Variants in MYO5B observed in about 807,000 individuals in gnomAD.
MYO5B encodes myosin VB, also known as unconventional myosin-Vb.
Under a neutral mutation model 229.3 loss-of-function variants are expected in MYO5B, and 143 were observed. The ratio of observed to expected loss-of-function variants is 0.62; its 90% CI spans 0.54 to 0.72. The LOEUF (loss-of-function observed/expected upper bound fraction) is 0.72, where lower values mean the gene tolerates loss of function less well. MYO5B is among the 30% of genes least tolerant of loss of function. The probability of loss-of-function intolerance (pLI) is 0.00; values close to 1 mark genes in which losing one functional copy is unlikely to be tolerated. For missense variants in MYO5B, 2,321 were observed against 2,331.0 expected (o/e 1.00, Z 0.09); for synonymous variants, 918 against 885.2 (o/e 1.04, Z -0.66).
intron 14 of MYO5B, among the ~76,000 whole-genome samples, chr18:49,945,052 C>G (rs559235397): frequency 3.3e-5 from 5 of 152,346 alleles, no homozygotes; most frequent in African/African-American, 1.2e-4. Context: ...CTTCCTGACA[C>G]TTAGCAGTTC....
chr18:49,926,166 C>T (rs768171008), intron 17 of MYO5B, among the ~76,000 whole-genome samples: 1 of 152,202 alleles, frequency 6.6e-6, no homozygotes, highest in Non-Finnish European at 1.5e-5. Context: ...ATGCTGGGAC[C>T]CGCTGGGTTT....
intron 1 of MYO5B, among the ~76,000 whole-genome samples, chr18:50,172,402 T>C (rs1274391504): frequency 6.6e-6 from 1 of 151,552 alleles, no homozygotes; most frequent in Non-Finnish European, 1.5e-5. Context: ...TACACTGATA[T>C]CCAGAACTAG....
At chr18:49,856,724 G>A (rs973894771) in intron 30 of MYO5B, 89 bp downstream of exon 30, 4 of 1,115,832 alleles carry the variant, frequency 3.6e-6, no homozygotes, top group African/African-American at 3.1e-5. Context: ...CCGTGCTCTC[G>A]CACCCACTGT....
intron 2 of MYO5B, among the ~76,000 whole-genome samples, chr18:50,044,174 G>A (rs2030153959): frequency 6.6e-6 from 1 of 152,284 alleles, no homozygotes; most frequent in East Asian, 1.9e-4. Context: ...CAGAAAAGAG[G>A]TGGGGGCTGC....
rs1218499932 is a variant in MYO5B at position 49,953,263 on chromosome 18, G to C, written c.1749C>G (p.Ser583Arg). The change falls in exon 14 of 40, where the codon AGC becomes AGG. Residue 583 changes from serine (S) to arginine (R), a missense_variant. Ser to Arg is a moderately radical substitution (Grantham distance 110, BLOSUM62 -1). Around this residue, in one of 2 missense-constraint regions of MYO5B, gnomAD observed 2,113 missense variants for 2,044.7 expected, o/e 1.03. Transcript: ENST00000285039. ...CCCCACTTCTGACACTCTTTACCTT[G>C]CTGGCCTTCAGGATATTGATCTGCT... Reference protein sequence around the residue: ...YEEQINILKASKFPLVADLFH... With the variant: ...YEEQINILKARKFPLVADLFH... 1.2e-6 allele frequency: 2 copies of C among 1,613,894 alleles called. No homozygotes were observed. Among genetic ancestry groups the C allele is most frequent in the East Asian group, 4.5e-5 (2 of 44,882 alleles).
intron 1 of MYO5B, among the ~76,000 whole-genome samples, chr18:50,078,402 C>T (rs2144464457): frequency 6.6e-6 from 1 of 152,282 alleles, no homozygotes; most frequent in Admixed American, 6.5e-5. Context: ...TGCAAGTCCC[C>T]TAATGGCAGG....
intron 4 of MYO5B, among the ~76,000 whole-genome samples, chr18:50,008,042 T>C (rs1240479361): frequency 6.6e-6 from 1 of 152,148 alleles, no homozygotes; most frequent in East Asian, 1.9e-4. Context: ...TACAGGATAA[T>C]GCATTATCAT....
chr18:50,164,806 T>C (rs528606704), intron 1 of MYO5B, among the ~76,000 whole-genome samples: 7 of 152,332 alleles, frequency 4.6e-5, no homozygotes, highest in Admixed American at 3.3e-4. Context: ...TATGTTCTCA[T>C]TGTTCTCTGA....
At chr18:50,047,823 G>A (rs1272850790) in intron 2 of MYO5B, among the ~76,000 whole-genome samples, 1 of 151,432 alleles carries the variant, frequency 6.6e-6, no homozygotes, top group Non-Finnish European at 1.5e-5. Context: ...ATCATTCTCA[G>A]CAAACTATCA....
chr18:50,075,575 G>C (rs142194489), intron 1 of MYO5B, among the ~76,000 whole-genome samples: 1 of 152,170 alleles, frequency 6.6e-6, no homozygotes, highest in Non-Finnish European at 1.5e-5. Flanking sequence ...GCCATGCAGC[G>C]ATGACAGAGC....
chr18:50,010,500 G>C (rs572878662), intron 4 of MYO5B, among the ~76,000 whole-genome samples: 5 of 152,318 alleles, frequency 3.3e-5, no homozygotes, highest in Middle Eastern at 3.4e-3. Flanking sequence ...TAAGGGTCTG[G>C]AAGATTATCC....
intron 17 of MYO5B, among the ~76,000 whole-genome samples, chr18:49,915,449 C>G (rs16951215): frequency 0.055 from 8,364 of 152,304 alleles, 596 homozygotes; most frequent in African/African-American, 0.16. Context: ...CCCTGCTCAT[C>G]AGGTCCATGT....
intron 16 of MYO5B, among the ~76,000 whole-genome samples, chr18:49,933,972 C>G (rs2025222416): frequency 6.6e-6 from 1 of 152,166 alleles, no homozygotes; most frequent in Non-Finnish European, 1.5e-5. Flanking sequence ...AACTCCTGGG[C>G]TCAAGCAATT....
intron 1 of MYO5B, among the ~76,000 whole-genome samples, chr18:50,083,491 T>C (rs984122163): frequency 3.3e-5 from 5 of 152,180 alleles, no homozygotes; most frequent in Non-Finnish European, 5.9e-5. Context: ...AAGACACTTT[T>C]ATCACTCCAG....
intron 1 of MYO5B, among the ~76,000 whole-genome samples, chr18:50,175,172 G>A (rs1341644763): frequency 2.0e-5 from 3 of 152,136 alleles, no homozygotes; most frequent in Admixed American, 6.5e-5. Flanking sequence ...TCTGGGCAAG[G>A]GGATTCATGC....
At chr18:50,053,517 T>G (rs2030459467) in intron 2 of MYO5B, among the ~76,000 whole-genome samples, 1 of 152,214 alleles carries the variant, frequency 6.6e-6, no homozygotes, top group Non-Finnish European at 1.5e-5. Context: ...GTGGGTGGAC[T>G]AATTTCATTT....
At chr18:49,985,788 G>C (rs2025864570) in intron 7 of MYO5B, among the ~76,000 whole-genome samples, 1 of 152,032 alleles carries the variant, frequency 6.6e-6, no homozygotes, top group Admixed American at 6.5e-5. Flanking sequence ...GAGCATGCAG[G>C]GCTGAAACAC....
intron 39 of MYO5B, among the ~76,000 whole-genome samples, chr18:49,834,660 C>T (rs549295702): frequency 6.6e-6 from 1 of 151,528 alleles, no homozygotes; most frequent in East Asian, 1.9e-4. Flanking sequence ...TTTTTTGAGA[C>T]AAGAGTCTCA....
At chr18:50,026,125 T>A (rs1316547865) in intron 4 of MYO5B, among the ~76,000 whole-genome samples, 4 of 152,248 alleles carry the variant, frequency 2.6e-5, no homozygotes, top group African/African-American at 9.6e-5. Context: ...ACTGATTCAC[T>A]ACTGCAAGCA....
Sources: allele counts gnomAD v4.1 joint callset (sites outside exome capture counted in the v4.1 genomes callset), GRCh38; gene constraint gnomAD v4.1.1; regional missense constraint gnomAD v4.1.1; transcripts MANE v1.5; gene names NCBI Gene and HGNC (gene_info 2026-07-23, HGNC 2026-07-21).